The following KIF13A variants were observed in gnomAD, a reference collection of about 807,000 sequenced individuals.
KIF13A encodes kinesin family member 13A.
A neutral mutation model predicts 212.2 loss-of-function variants in KIF13A; 79 were observed. The observed-to-expected ratio is 0.37, with a 90% CI of 0.31 to 0.45. The LOEUF (loss-of-function observed/expected upper bound fraction) is 0.45. KIF13A is among the 20% of genes least tolerant of loss of function. The pLI, the probability that KIF13A is intolerant of heterozygous loss-of-function variation, is 1.00. For synonymous variants in KIF13A, 789 were observed against 808.6 expected (o/e 0.98, Z 0.41); for missense variants, 1,901 against 2,209.0 (o/e 0.86, Z 2.79).
At chr6:17,954,499 A>T (rs1778174398) in intron 2 of KIF13A, among the ~76,000 whole-genome samples, 1 of 152,176 alleles carries the variant, frequency 6.6e-6, no homozygotes, top group Non-Finnish European at 1.5e-5. Flanking sequence ...TAAGTATAAT[A>T]CACAGCATAA....
chr6:17,794,760 A>G lies in KIF13A; in HGVS notation c.2943-56T>C. The G allele has an allele frequency of 6.4e-7, 1 of 1,554,142 alleles. No homozygotes were observed. The highest frequency in any genetic ancestry group is 8.7e-7 in the Non-Finnish European group (1 of 1,152,042). On this transcript the variant is annotated intron_variant, in intron 23 of 38. Coordinates refer to ENST00000259711, the MANE Select transcript of KIF13A (RefSeq NM_022113.6). The surrounding 1 kb of genome is among the most constrained non-coding windows in gnomAD (Gnocchi z 4.1). ...GTCATCGTCCAGGGATACTGTTAGT[A>G]ATAGTAATAAGCCACCATTCACTGA...
In KIF13A at chr6:17,884,140, T is replaced by C. The variant is rs1354843999; in HGVS notation, c.160-10703A>G. The stretch of plus-strand genomic sequence containing the variant: ...CAATGTTTTCTCAACTTCCTCCCTA[T>C]AATTATTGCCTCCTCTGGGCTGTCT... On this transcript the variant is annotated intron_variant, in intron 3 of 38. Transcript: ENST00000259711. Among the ~76,000 whole-genome samples, 3 of 152,154 alleles carry C rather than the reference T, an allele frequency of 2.0e-5. No homozygotes were observed. In the East Asian group the frequency reaches 5.8e-4, roughly 29 times the overall value.
rs1173720017 is a variant in KIF13A, at chr6:17,829,772, T to C, written c.1401+1329A>G. On this transcript the variant is annotated intron_variant, in intron 13 of 38. Coordinates refer to ENST00000259711, the MANE Select transcript of KIF13A (RefSeq NM_022113.6). The surrounding 1 kb of genome is among the most constrained non-coding windows in gnomAD (Gnocchi z 5.4). ...ACAGATCTTAAGTTTGTTGGGGGAC[T>C]CTCAATAACTCAGGGGCTATTTGTA... 6.6e-6 allele frequency among the ~76,000 whole-genome samples: 1 copy of C among 152,188 alleles called. No homozygotes were observed. The highest frequency in any genetic ancestry group is 2.4e-5 in the African/African-American group (1 of 41,450).
In KIF13A at chr6:17,838,480, G is replaced by A. The variant is rs148912163; in HGVS notation, c.831-897C>T. ...TTCCCACAAAACATAATTCCCCAAAGACGAGTCACTGAAAAGTCCCCGAAA... is the reference window on the plus strand; with the variant it reads ...TTCCCACAAAACATAATTCCCCAAAAACGAGTCACTGAAAAGTCCCCGAAA... On this transcript the variant is annotated intron_variant, in intron 9 of 38. Coordinates refer to ENST00000259711, the MANE Select transcript of KIF13A (RefSeq NM_022113.6). This position sits in a 1 kb window ranked among gnomAD's most constrained non-coding sequence, Gnocchi z 4.2. 2.0e-5 allele frequency among the ~76,000 whole-genome samples: 3 copies of A among 152,132 alleles called. No homozygotes were observed. In the East Asian group the frequency reaches 5.8e-4, roughly 29 times the overall value.
intron 20 of KIF13A, among the ~76,000 whole-genome samples, chr6:17,802,862 G>A (rs1280696738): frequency 1.3e-5 from 2 of 151,812 alleles, no homozygotes; most frequent in Non-Finnish European, 2.9e-5. Context: ...TCCCACCTCA[G>A]CCTCCTGAGT....
At position 17,789,735 on chromosome 6, in the gene KIF13A, G is replaced by T; in HGVS notation, c.3261+137C>A. On this transcript the variant is annotated intron_variant, in intron 26 of 38. Transcript: ENST00000259711. The surrounding 1 kb of genome is among the most constrained non-coding windows in gnomAD (Gnocchi z 4.8). ...AATATTGTGTTTGAATACATATAAA[G>T]CAAATCAAAAGCAAGTGAAAAACTG... The T allele has an allele frequency of 1.6e-6, 1 of 639,850 alleles. No homozygotes were observed. The allele number at this position is 639,850 out of a possible 1,614,324, so 39.6% of individuals were successfully genotyped here.
At chr6:17,818,998 CTTTT>C (rs11438528) in intron 16 of KIF13A, among the ~76,000 whole-genome samples, 6 of 123,418 alleles carry the variant, frequency 4.9e-5, no homozygotes, top group Admixed American at 8.5e-5. Flanking sequence ...AAATATATCA[CTTTT>C]TTTTTTTTTT....
At chr6:17,962,086 G>A (rs746010875) in intron 2 of KIF13A, among the ~76,000 whole-genome samples, 6 of 152,116 alleles carry the variant, frequency 3.9e-5, no homozygotes, top group Non-Finnish European at 7.3e-5. Context: ...CAGCACTTTA[G>A]GAGGCCAAGG....
intron 2 of KIF13A, among the ~76,000 whole-genome samples, chr6:17,945,299 CA>C (rs887443849): frequency 6.6e-6 from 1 of 151,816 alleles, no homozygotes; most frequent in Non-Finnish European, 1.5e-5. Context: ...TGTAAGGTGC[CA>C]AAATAGGCTA....
At position 17,809,029 on chromosome 6, in the gene KIF13A, C is replaced by A; in HGVS notation, c.2001-99G>T. 1.8e-6 allele frequency: 2 copies of A among 1,120,050 alleles called. No homozygotes were observed. Among genetic ancestry groups the A allele is most frequent in the South Asian group, 1.7e-5 (1 of 58,936 alleles). The allele number at this position is 1,120,050 out of a possible 1,614,324, so 69.4% of individuals were successfully genotyped here. ...TTAGAAAATGGGAGAAAACTCCTCTCGGGCAGTATTTTTCAAACTATTTTA... is the reference window on the plus strand; with the variant it reads ...TTAGAAAATGGGAGAAAACTCCTCTAGGGCAGTATTTTTCAAACTATTTTA... On this transcript the variant is annotated intron_variant, in intron 17 of 38. Coordinates refer to ENST00000259711, the MANE Select transcript of KIF13A (RefSeq NM_022113.6). The surrounding 1 kb of genome is among the most constrained non-coding windows in gnomAD (Gnocchi z 4.7).
intron 2 of KIF13A, among the ~76,000 whole-genome samples, chr6:17,945,395 G>A (rs1316794192): frequency 1.3e-5 from 2 of 152,118 alleles, no homozygotes; most frequent in Non-Finnish European, 2.9e-5. Flanking sequence ...ATTGTTTCTA[G>A]GGAGCTGCTA....
rs2150518053 is a variant in KIF13A at position 17,919,522 on chromosome 6, T to C, written c.147-21342A>G. On this transcript the variant is annotated intron_variant, in intron 2 of 38. Transcript: ENST00000259711. The surrounding 1 kb of genome is among the most constrained non-coding windows in gnomAD (Gnocchi z 4.1). ...CTTTTCTCAGAGACTTCAACCCTCC[T>C]ATATATCCAGAGTAAGAAAGCTGTG... Among the ~76,000 whole-genome samples, 1 of 152,336 alleles carries C rather than the reference T, an allele frequency of 6.6e-6. No individual in the cohort carries two copies. Among genetic ancestry groups the C allele is most frequent in the East Asian group, 1.9e-4 (1 of 5,188 alleles).
chr6:17,853,120 T>C (rs1247340616), intron 6 of KIF13A, among the ~76,000 whole-genome samples: 1 of 152,200 alleles, frequency 6.6e-6, no homozygotes, highest in Admixed American at 6.5e-5. Flanking sequence ...CATCACTGAA[T>C]GCATCCCAAA....
chr6:17,878,509 G>A (rs1318918429), intron 3 of KIF13A, among the ~76,000 whole-genome samples: 3 of 149,148 alleles, frequency 2.0e-5, no homozygotes, highest in Non-Finnish European at 4.4e-5. Context: ...CTTAACTTCT[G>A]GGATCAAGCG....
chr6:17,874,952 C>CTTTTTTTTTTTTTTTTTTTTT (rs1217572840), intron 3 of KIF13A, among the ~76,000 whole-genome samples: 1 of 145,286 alleles, frequency 6.9e-6, no homozygotes, highest in African/African-American at 2.5e-5. Context: ...TAATTCATTC[C>CTTTTTTTTTTTTTTTTTTTTT]TTTTTATGGC....
At chr6:17,901,897 T>C (rs1327124497) in intron 2 of KIF13A, among the ~76,000 whole-genome samples, 1 of 152,208 alleles carries the variant, frequency 6.6e-6, no homozygotes, top group Admixed American at 6.5e-5. Flanking sequence ...CTAGGAAGGC[T>C]GAGGCATGAG....
At position 17,919,496 on chromosome 6, in the gene KIF13A, C is replaced by T. The variant is rs1486742785; in HGVS notation, c.147-21316G>A. Among the ~76,000 whole-genome samples, 1 of 151,788 alleles carries T rather than the reference C, an allele frequency of 6.6e-6. No individual in the cohort carries two copies. The highest frequency in any genetic ancestry group is 1.9e-4 in the East Asian group (1 of 5,202). On this transcript the variant is annotated intron_variant, in intron 2 of 38. Transcript: ENST00000259711. The surrounding 1 kb of genome is among the most constrained non-coding windows in gnomAD (Gnocchi z 4.1). ...CATGGTGCTGAGAATAGTAATCACTCCTTTTCTCAGAGACTTCAACCCTCC... is the reference window on the plus strand; with the variant it reads ...CATGGTGCTGAGAATAGTAATCACTTCTTTTCTCAGAGACTTCAACCCTCC...
rs1350588450 is a variant in KIF13A, at chr6:17,912,162, C to T, written c.147-13982G>A. Among the ~76,000 whole-genome samples, 1 of 152,138 alleles carries T rather than the reference C, an allele frequency of 6.6e-6. No homozygotes were observed. The highest frequency in any genetic ancestry group is 1.5e-5 in the Non-Finnish European group (1 of 68,034). On this transcript the variant is annotated intron_variant, in intron 2 of 38. Transcript: ENST00000259711. This position sits in a 1 kb window ranked among gnomAD's most constrained non-coding sequence, Gnocchi z 4.2. ...TTGAGGGGATGGATACCCCATTCTCCATGATGTGATTATTACGCATTGCAT... is the reference window on the plus strand; with the variant it reads ...TTGAGGGGATGGATACCCCATTCTCTATGATGTGATTATTACGCATTGCAT...
chr6:17,791,608 A>G (rs1012474763), intron 25 of KIF13A, among the ~76,000 whole-genome samples: 7 of 152,166 alleles, frequency 4.6e-5, no homozygotes, highest in Admixed American at 4.6e-4. Context: ...TTTTTAAAAA[A>G]TGTGAACAGT....
Sources: allele counts gnomAD v4.1 joint callset (sites outside exome capture counted in the v4.1 genomes callset), GRCh38; gene constraint gnomAD v4.1.1; non-coding constraint Gnocchi (gnomAD v3.1); transcripts MANE v1.5; gene names NCBI Gene and HGNC (gene_info 2026-07-23, HGNC 2026-07-21).